CNTNAP5: variants seen among roughly 807,000 people sequenced by gnomAD.
The protein encoded by CNTNAP5 is contactin associated protein family member 5.
In CNTNAP5, 72 loss-of-function variants were observed where a neutral mutation model predicts 150.2. That is an observed-to-expected ratio of 0.48 (90% confidence interval 0.40 to 0.58). CNTNAP5 has a LOEUF of 0.58. Among genes scored for constraint, CNTNAP5 ranks in the 20% least tolerant of loss-of-function variants. The probability of loss-of-function intolerance (pLI) is 0.00; values close to 1 mark genes in which losing one functional copy is unlikely to be tolerated. For synonymous variants in CNTNAP5, 672 were observed against 619.8 expected, an observed-to-expected ratio of 1.08 and a Z score of -1.25; for missense variants, 1,636 against 1,626.2, an observed-to-expected ratio of 1.01 and a Z score of -0.10.
At chr2:124,510,492 T>C (rs996859965) in intron 8 of CNTNAP5, among the ~76,000 whole-genome samples, 1 of 118,288 alleles carries the variant, frequency 8.5e-6, no homozygotes, top group African/African-American at 3.1e-5. Flanking sequence ...TATATATATA[T>C]ATATATATAT....
rs548603559 is a variant in CNTNAP5 at position 124,699,265 on chromosome 2, A to G, written c.2078-47964A>G. On this transcript the variant is annotated intron_variant, in intron 13 of 23. Transcript: ENST00000682447. ...GAAATATACAGAAATTCTTATCTCAATACATCATCCTGACACAGATACATT... is the reference window on the plus strand; with the variant it reads ...GAAATATACAGAAATTCTTATCTCAGTACATCATCCTGACACAGATACATT... Among the ~76,000 whole-genome samples the G allele has an allele frequency of 2.6e-4, 39 of 152,210 alleles. No homozygotes were observed. In the South Asian group the frequency reaches 7.9e-3, roughly 31 times the overall value.
At chr2:124,511,698 C>A (rs1694594839) in intron 8 of CNTNAP5, among the ~76,000 whole-genome samples, 3 of 152,306 alleles carry the variant, frequency 2.0e-5, no homozygotes, top group African/African-American at 7.2e-5. Context: ...TTGAAACTGG[C>A]ATAAATGGTC....
At chr2:124,035,153 C>T (rs1681178928) in intron 1 of CNTNAP5, among the ~76,000 whole-genome samples, 1 of 152,038 alleles carries the variant, frequency 6.6e-6, no homozygotes, top group African/African-American at 2.4e-5. Flanking sequence ...ATCCACATAG[C>T]TCCAGAGAAA....
At chr2:124,163,336 A>G (rs542343163) in intron 1 of CNTNAP5, among the ~76,000 whole-genome samples, 1 of 152,260 alleles carries the variant, frequency 6.6e-6, no homozygotes, top group African/African-American at 2.4e-5. Context: ...AGGGCTATAG[A>G]AATACCTAAT....
At chr2:124,423,725 C>A (rs376076512) in intron 4 of CNTNAP5, among the ~76,000 whole-genome samples, 1 of 113,242 alleles carries the variant, frequency 8.8e-6, no homozygotes, top group Non-Finnish European at 1.7e-5. Flanking sequence ...AGTGCAGTGG[C>A]GCAATCGCGG....
intron 1 of CNTNAP5, among the ~76,000 whole-genome samples, chr2:124,206,906 A>G (rs1362906705): frequency 6.6e-6 from 1 of 152,206 alleles, no homozygotes; most frequent in East Asian, 1.9e-4. Context: ...GGTTGCAGGC[A>G]GAAAAAAAGC....
chr2:124,771,811 G>A (rs1263900000), intron 16 of CNTNAP5, among the ~76,000 whole-genome samples: 5 of 143,632 alleles, frequency 3.5e-5, no homozygotes, highest in East Asian at 2.1e-4. Context: ...CATCACCATC[G>A]CCATCACCAC....
intron 1 of CNTNAP5, among the ~76,000 whole-genome samples, chr2:124,084,190 A>G (rs990378662): frequency 5.3e-5 from 8 of 152,004 alleles, no homozygotes; most frequent in African/African-American, 1.7e-4. Flanking sequence ...ATATAGAAAT[A>G]CAATTTATAG....
intron 13 of CNTNAP5, among the ~76,000 whole-genome samples, chr2:124,734,213 G>C (rs1156897173): frequency 6.6e-6 from 1 of 152,016 alleles, no homozygotes; most frequent in African/African-American, 2.4e-5. Flanking sequence ...TGGTGGGATG[G>C]GAGGAAGGCT....
intron 6 of CNTNAP5, among the ~76,000 whole-genome samples, chr2:124,461,873 G>GGA (rs1558913276): frequency 7.0e-6 from 1 of 143,746 alleles, no homozygotes; most frequent in African/African-American, 2.6e-5. Context: ...AAAAAAAAAA[G>GGA]AAAAAAAAAG....
chr2:124,587,610 C>A (rs916797247), intron 11 of CNTNAP5, among the ~76,000 whole-genome samples: 3 of 152,078 alleles, frequency 2.0e-5, no homozygotes, highest in Non-Finnish European at 4.4e-5. Context: ...GGGATTGTTG[C>A]AATAGTCTCC....
At chr2:124,875,709 T>G (rs1677845286) in intron 21 of CNTNAP5, among the ~76,000 whole-genome samples, 2 of 151,310 alleles carry the variant, frequency 1.3e-5, no homozygotes, top group Non-Finnish European at 3.0e-5. Context: ...TTTTTTTTTT[T>G]TTTTTTCTGT....
intron 13 of CNTNAP5, among the ~76,000 whole-genome samples, chr2:124,666,655 T>C (rs965510170): frequency 2.0e-5 from 3 of 152,116 alleles, no homozygotes; most frequent in African/African-American, 4.8e-5. Context: ...GGGTTTTATT[T>C]TTGTTTACAG....
chr2:124,223,699 C>G (rs986537649), intron 2 of CNTNAP5, among the ~76,000 whole-genome samples: 1 of 151,852 alleles, frequency 6.6e-6, no homozygotes, highest in African/African-American at 2.4e-5. Context: ...CCCTGACAGA[C>G]AGATATTGAG....
rs554874680 is a variant in CNTNAP5 at position 124,448,235 on chromosome 2, T to C, written c.918+1298T>C. ...GTGAGCCTAGATTGTGCCAATGCAC[T>C]CCAGCCCGGGAGACAGAGTCAGACT... On this transcript the variant is annotated intron_variant, in intron 6 of 23. Coordinates refer to ENST00000682447, the MANE Select transcript of CNTNAP5 (RefSeq NM_001367498.1). Among the ~76,000 whole-genome samples the C allele has an allele frequency of 1.6e-3, 237 of 151,148 alleles. 2 individuals are homozygous for C. The highest frequency in any genetic ancestry group is 9.8e-4 in the East Asian group (5 of 5,094).
chr2:124,664,601 A>G (rs113134167), intron 13 of CNTNAP5, among the ~76,000 whole-genome samples: 79 of 152,320 alleles, frequency 5.2e-4, no homozygotes, highest in African/African-American at 1.7e-3. Flanking sequence ...AACCTGCTGC[A>G]GTCTGGGAAT....
intron 13 of CNTNAP5, among the ~76,000 whole-genome samples, chr2:124,671,265 C>A (rs1304992889): frequency 6.6e-6 from 1 of 152,180 alleles, no homozygotes; most frequent in Non-Finnish European, 1.5e-5. Context: ...TTTCCCAAGA[C>A]AATCCTGATT....
intron 8 of CNTNAP5, among the ~76,000 whole-genome samples, chr2:124,510,428 A>T (rs1694550180): frequency 1.5e-5 from 2 of 135,940 alleles, no homozygotes; most frequent in African/African-American, 5.5e-5. Flanking sequence ...TAGGTGACAG[A>T]GCAAGACTCC....
At position 124,903,051 on chromosome 2, in the gene CNTNAP5, C is replaced by T. The variant is rs1306756593; in HGVS notation, c.3606C>T (p.Phe1202=). Residue 1202 remains phenylalanine (F), a synonymous_variant, in exon 22 of 24, where the codon TTC becomes TTT. Coordinates refer to ENST00000682447, the MANE Select transcript of CNTNAP5 (RefSeq NM_001367498.1). ...CCTTGACGGAATCCAGCTGTGGCTT[C>T]ATGGTGGACTCAGATGTGAATGCAG... ...HGTLTESSCG[F]MVDSDVNAVT... 1 of 1,603,736 alleles carries T rather than the reference C, an allele frequency of 6.2e-7. No individual in the cohort carries two copies. Among genetic ancestry groups the T allele is most frequent in the Non-Finnish European group, 8.5e-7 (1 of 1,174,718 alleles).
Sources: allele counts gnomAD v4.1 joint callset (sites outside exome capture counted in the v4.1 genomes callset), GRCh38; gene constraint gnomAD v4.1.1; transcripts MANE v1.5; gene names NCBI Gene and HGNC (gene_info 2026-07-23, HGNC 2026-07-21).